The following CSMD1 variants were observed in gnomAD, a reference collection of about 807,000 sequenced individuals.
CSMD1 encodes CUB and sushi domain-containing protein 1.
In CSMD1, 213 loss-of-function variants were observed where a neutral mutation model predicts 417.5. The ratio of observed to expected loss-of-function variants is 0.51; its 90% confidence interval spans 0.46 to 0.57. CSMD1 has a LOEUF of 0.57. CSMD1 is among the 20% of genes least tolerant of loss of function. The pLI, the probability that CSMD1 is intolerant of heterozygous loss-of-function variation, is 0.00. For synonymous variants in CSMD1, 2,862 were observed against 1,736.8 expected, an observed-to-expected ratio of 1.65 and a Z score of -16.11; for missense variants, 6,923 against 4,529.7, an observed-to-expected ratio of 1.53 and a Z score of -15.17.
chr8:4,531,306 G>C (rs771886383), intron 2 of CSMD1, among the ~76,000 whole-genome samples: 1 of 152,182 alleles, frequency 6.6e-6, no homozygotes. Flanking sequence ...CCGATGTGCC[G>C]TGGAATGTAT....
At chr8:4,107,605 G>C (rs1438058535) in intron 3 of CSMD1, among the ~76,000 whole-genome samples, 1 of 152,178 alleles carries the variant, frequency 6.6e-6, no homozygotes, top group Non-Finnish European at 1.5e-5. Flanking sequence ...ATAGCTGGGA[G>C]TATGAGCGAC....
chr8:4,530,314 C>CTTTTTTTTT (rs759268228), intron 2 of CSMD1, among the ~76,000 whole-genome samples: 1,606 of 46,606 alleles, frequency 0.034, 265 homozygotes, highest in Non-Finnish European at 0.047. Context: ...ACAGGTAGTG[C>CTTTTTTTTT]TTTTTTTTTT....
intron 2 of CSMD1, among the ~76,000 whole-genome samples, chr8:4,450,502 G>A (rs1799076600): frequency 2.0e-5 from 3 of 152,036 alleles, no homozygotes; most frequent in South Asian, 2.1e-4. Context: ...GCGTGTGGTG[G>A]TGCGGGCCTG....
intron 49 of CSMD1, among the ~76,000 whole-genome samples, chr8:3,067,512 C>T (rs1351103421): frequency 6.6e-6 from 1 of 151,912 alleles, no homozygotes. Context: ...TAACAGTAAA[C>T]TGAGAATCAG....
intron 1 of CSMD1, among the ~76,000 whole-genome samples, chr8:4,907,349 A>C (rs1805354694): frequency 6.6e-6 from 1 of 152,202 alleles, no homozygotes; most frequent in Admixed American, 6.5e-5. Flanking sequence ...AAAACGGCAA[A>C]AAGCTTGGGC....
chr8:4,031,436 A>G (rs1191313518), intron 4 of CSMD1, among the ~76,000 whole-genome samples: 1 of 152,082 alleles, frequency 6.6e-6, no homozygotes, highest in East Asian at 1.9e-4. Flanking sequence ...ATCAGATCTC[A>G]TAAGACTTAT....
chr8:4,022,464 C>A (rs548922950), intron 4 of CSMD1, among the ~76,000 whole-genome samples: 9 of 152,248 alleles, frequency 5.9e-5, no homozygotes, highest in African/African-American at 2.2e-4. Flanking sequence ...AGGACATTTG[C>A]AGCCTTGCTC....
intron 3 of CSMD1, among the ~76,000 whole-genome samples, chr8:4,237,107 T>A (rs1481954995): frequency 6.6e-6 from 1 of 152,294 alleles, no homozygotes; most frequent in Non-Finnish European, 1.5e-5. Flanking sequence ...CTATCCTCCA[T>A]CAAGAACTAG....
intron 2 of CSMD1, among the ~76,000 whole-genome samples, chr8:4,519,844 T>C (rs1214677788): frequency 1.4e-5 from 2 of 147,230 alleles, no homozygotes; most frequent in African/African-American, 5.1e-5. Flanking sequence ...CTAGATCTTA[T>C]AGGATGACGA....
At chr8:3,002,421 C>A (rs1322582809) in intron 52 of CSMD1, among the ~76,000 whole-genome samples, 1 of 152,154 alleles carries the variant, frequency 6.6e-6, no homozygotes, top group African/African-American at 2.4e-5. Flanking sequence ...ACAAGAGATC[C>A]CAGCCATTTC....
In CSMD1 at chr8:3,660,705, G is replaced by C. The variant is rs144759106; in HGVS notation, c.1010-43908C>G. On this transcript the variant is annotated intron_variant, in intron 7 of 69. Coordinates refer to ENST00000635120, the MANE Select transcript of CSMD1 (RefSeq NM_033225.6). ...CTGGCTAATTTTTATATTTTTAGTA[G>C]AGACAGGGTTTCACCATGTTGGTCA... is the stretch of plus-strand genomic sequence containing the variant. Among the ~76,000 whole-genome samples, 374 of 146,750 alleles carry C rather than the reference G, an allele frequency of 2.5e-3. 2 individuals carry two copies. The highest frequency in any genetic ancestry group is 9.0e-3 in the African/African-American group (363 of 40,526).
intron 10 of CSMD1, among the ~76,000 whole-genome samples, chr8:3,523,862 C>T (rs1797627267): frequency 6.6e-6 from 1 of 151,070 alleles, no homozygotes; most frequent in Non-Finnish European, 1.5e-5. Context: ...TGCGCATGCA[C>T]ACACTTACAC....
intron 54 of CSMD1, among the ~76,000 whole-genome samples, chr8:2,989,673 AT>A (rs1465556618): frequency 5.9e-5 from 9 of 152,224 alleles, no homozygotes; most frequent in Non-Finnish European, 7.3e-5. Context: ...ACAGAGAATG[AT>A]GAATAAATAT....
At chr8:4,975,513 A>T (rs1428893962) in intron 1 of CSMD1, among the ~76,000 whole-genome samples, 1 of 152,204 alleles carries the variant, frequency 6.6e-6, no homozygotes, top group East Asian at 1.9e-4. Flanking sequence ...GCAAAAGGCC[A>T]AATCACTTAT....
At chr8:4,333,788 C>G (rs1800007531) in intron 3 of CSMD1, among the ~76,000 whole-genome samples, 1 of 152,058 alleles carries the variant, frequency 6.6e-6, no homozygotes, top group Non-Finnish European at 1.5e-5. Context: ...TGGGTCTGCC[C>G]CTGGAAACAC....
chr8:3,106,787 A>C (rs73504560), intron 45 of CSMD1, 146 bp from the exon 46 acceptor site: 13 of 517,910 alleles, frequency 2.5e-5, no homozygotes, highest in African/African-American at 2.3e-4. Context: ...TTAGTCTTTT[A>C]AAAATAATAC....
At chr8:3,926,107 ACACACACAC>A (rs1809693783) in intron 5 of CSMD1, among the ~76,000 whole-genome samples, 6 of 65,288 alleles carry the variant, frequency 9.2e-5, no homozygotes, top group Admixed American at 1.7e-4. Flanking sequence ...ACACACACAC[ACACACACAC>A]ACACACACAC....
chr8:4,058,875 C>A (rs977817069), intron 3 of CSMD1, among the ~76,000 whole-genome samples: 4 of 151,680 alleles, frequency 2.6e-5, no homozygotes, highest in African/African-American at 4.9e-5. Context: ...CAACATTAGA[C>A]AGATCAACGA....
chr8:4,734,065 G>C (rs1336754491), intron 1 of CSMD1, among the ~76,000 whole-genome samples: 1 of 152,110 alleles, frequency 6.6e-6, no homozygotes, highest in East Asian at 1.9e-4. Context: ...GAGAAACTGA[G>C]GTGACAAGTT....
Sources: allele counts gnomAD v4.1 joint callset (sites outside exome capture counted in the v4.1 genomes callset), GRCh38; gene constraint gnomAD v4.1.1; transcripts MANE v1.5; gene names NCBI Gene and HGNC (gene_info 2026-07-23, HGNC 2026-07-21).